The following MDN1 variants were observed in gnomAD, a reference collection of about 807,000 sequenced individuals.
MDN1 encodes midasin.
In MDN1, 266 loss-of-function variants were observed where a neutral mutation model predicts 669.2. That is an observed-to-expected ratio of 0.40 (90% CI 0.36 to 0.44). The LOEUF (loss-of-function observed/expected upper bound fraction) is 0.44, where lower values mean the gene tolerates loss of function less well. MDN1 is among the 20% of genes least tolerant of loss of function. The pLI, the probability that MDN1 is intolerant of heterozygous loss-of-function variation, is 1.00. For synonymous variants in MDN1, 2,385 were observed against 2,457.1 expected (o/e 0.97, Z 0.87); for missense variants, 5,940 against 6,754.0 (o/e 0.88, Z 4.22).
chr6:89,793,972 CT>C lies in MDN1; in HGVS notation c.663-19del. ...CTAATAACCTGAGAGAAAGGAGAGT[CT>C]CGTCAATTACCTTACCACTCAGAAA... On this transcript the variant is annotated intron_variant, in intron 4 of 101. Coordinates refer to ENST00000369393, the MANE Select transcript of MDN1 (RefSeq NM_014611.3). 1.3e-6 allele frequency: 2 copies of C among 1,592,986 alleles called. No homozygotes were observed. The highest frequency in any genetic ancestry group is 1.7e-6 in the Non-Finnish European group (2 of 1,163,006).
chr6:89,676,072 C>A, intron 77 of MDN1, 30 bp downstream of exon 77: 1 of 1,591,798 alleles, frequency 6.3e-7, no homozygotes, highest in Non-Finnish European at 8.6e-7. Context: ...TTCCCTGAGC[C>A]CCTGCAAGAC....
intron 33 of MDN1, among the ~76,000 whole-genome samples, chr6:89,735,184 G>A (rs917675309): frequency 4.0e-5 from 6 of 151,844 alleles, no homozygotes; most frequent in East Asian, 1.9e-4. Context: ...GAAAGCACCC[G>A]GCCAATAGTT....
chr6:89,777,409 G>A (rs902026936), intron 11 of MDN1, among the ~76,000 whole-genome samples: 1 of 152,118 alleles, frequency 6.6e-6, no homozygotes, highest in African/African-American at 2.4e-5. Context: ...CTCATTCCTA[G>A]GCATAGGCCA....
intron 73 of MDN1, among the ~76,000 whole-genome samples, chr6:89,681,309 G>A (rs966628722): frequency 6.6e-5 from 10 of 152,276 alleles, no homozygotes; most frequent in African/African-American, 1.9e-4. Context: ...GAATAGCTGG[G>A]ATTGCAGGCA....
intron 33 of MDN1, among the ~76,000 whole-genome samples, chr6:89,734,691 A>G (rs13220209): frequency 0.11 from 12,952 of 112,840 alleles, 1,140 homozygotes; most frequent in Middle Eastern, 0.17. Context: ...AAAAAAAAAC[A>G]AGAGAGAGAG....
In MDN1 at chr6:89,661,405, G is replaced by A. The variant is rs372325440; in HGVS notation, c.14713+26C>T. On this transcript the variant is annotated intron_variant, in intron 88 of 101. Transcript: ENST00000369393. ...CTGTTCACTAATGTGAGTTCTAACC[G>A]GTCTCTTTGTTTCTGAAAGACGCAC... The A allele has an allele frequency of 4.7e-5, 75 of 1,603,472 alleles. 3 individuals are homozygous for A. Among genetic ancestry groups the A allele is most frequent in the Admixed American group, 2.4e-4 (14 of 57,976 alleles).
At chr6:89,690,536 T>A in intron 64 of MDN1, 137 bp downstream of exon 64, 1 of 1,118,512 alleles carries the variant, frequency 8.9e-7, no homozygotes, top group Non-Finnish European at 1.2e-6. Flanking sequence ...CCAGCCTGGG[T>A]GATAGAGCAA....
Position 89,661,557 on chromosome 6 carries a change from C to T in MDN1, c.14587G>A (p.Val4863Met). The change falls in exon 88 of 102, where the codon GTG (valine) becomes ATG (methionine). Residue 4863 changes from valine (V) to methionine (M), a missense_variant. Coordinates refer to ENST00000369393, the MANE Select transcript of MDN1 (RefSeq NM_014611.3). ...TCCTGATTGCCATGGTAAGGGTCCA[C>T]CTCATTTTCATCATAGTCCCTCTTT... is the stretch of plus-strand genomic sequence containing the variant. ...IDERDYDENE[V>M]DPYHGNQEKV... is the part of the protein sequence containing the mutation. 6.2e-7 allele frequency: 1 copy of T among 1,614,110 alleles called. No homozygotes were observed. The highest frequency in any genetic ancestry group is 8.5e-7 in the Non-Finnish European group (1 of 1,180,002).
At chr6:89,809,784 T>TGAATAAAATA (rs1768260081) in intron 1 of MDN1, among the ~76,000 whole-genome samples, 10 of 112,578 alleles carry the variant, frequency 8.9e-5, no homozygotes, top group Admixed American at 2.1e-4. Context: ...TCAAAATAAA[T>TGAATAAAATA]AAATAAAATA....
chr6:89,749,749 C>T lies in MDN1; in HGVS notation c.3409G>A (p.Val1137Ile). The change falls in exon 25 of 102, where the codon GTT becomes ATT. Residue 1137 changes from valine (V) to isoleucine (I), a missense_variant and splice_region_variant. Val to Ile is a conservative substitution (Grantham distance 29). This residue lies in a region of MDN1 where 2,292 missense variants were observed against 2,638.3 expected (regional missense o/e 0.87). Transcript: ENST00000369393. The stretch of plus-strand genomic sequence containing the variant: ...CCTTTTCTCATGGCATCAATAAGAA[C>T]ACCTAGGAAGAAACAAACAGCAAGA... Reference protein sequence around the residue: ...SSGKLVFKEGVLIDAMRKGYW... With the variant: ...SSGKLVFKEGILIDAMRKGYW... The T allele has an allele frequency of 6.2e-7, 1 of 1,603,274 alleles. No individual in the cohort carries two copies. Among genetic ancestry groups the T allele is most frequent in the South Asian group, 1.1e-5 (1 of 90,896 alleles).
chr6:89,789,484 T>C (rs1185612551), intron 7 of MDN1, among the ~76,000 whole-genome samples: 2 of 152,170 alleles, frequency 1.3e-5, no homozygotes, highest in East Asian at 3.9e-4. Context: ...TTGGAAAATG[T>C]TGATCTCATA....
At chr6:89,741,156 C>G (rs1158047143) in intron 31 of MDN1, among the ~76,000 whole-genome samples, 1 of 152,130 alleles carries the variant, frequency 6.6e-6, no homozygotes, top group Non-Finnish European at 1.5e-5. Flanking sequence ...CACTTGAACC[C>G]GAGAGGCAGA....
rs779661257 is a variant in MDN1, at chr6:89,758,990, A to G, written c.2461-30T>C. 4 of 1,603,022 alleles carry G rather than the reference A, an allele frequency of 2.5e-6. No homozygotes were observed. In the Admixed American group the frequency reaches 6.7e-5, roughly 27 times the overall value. On this transcript the variant is annotated intron_variant, in intron 17 of 101. Transcript: ENST00000369393. ...AAAAAGATAAAATAAAATGTTAACA[A>G]TGTGTCAAATAAAGGCACACTTGCC...
At chr6:89,756,241 G>A (rs1245270780) in intron 20 of MDN1, 36 bp downstream of exon 20, 22 of 1,042,694 alleles carry the variant, frequency 2.1e-5, no homozygotes, top group Non-Finnish European at 2.8e-5. Context: ...CATGTTCAGA[G>A]AAAGAGCTTA....
In MDN1 at chr6:89,678,680, TCTC is replaced by T. The variant is rs1464512210; in HGVS notation, c.12328_12330del (p.Glu4110del). On this transcript the variant is annotated inframe_deletion, in exon 75 of 102. Transcript: ENST00000369393. ...ATGTGCTTGGCTTCTGACCGCTGCT[TCTC>T]CTTCTCTGCAGAGGGTTCCACCTTT... 1.9e-6 allele frequency: 3 copies of T among 1,614,120 alleles called. No homozygotes were observed. The highest frequency in any genetic ancestry group is 2.7e-5 in the African/African-American group (2 of 75,052).
In MDN1 at chr6:89,710,845, T is replaced by C. The variant is rs73492550; in HGVS notation, c.7652-51A>G. ...TAGACTCTAAAGCAGTGCTATCCAA[T>C]TGAACGTTCTGCAGTGATGAAAATG... On this transcript the variant is annotated intron_variant, in intron 49 of 101. Transcript: ENST00000369393. The C allele has an allele frequency of 3.0e-3, 3,296 of 1,086,122 alleles. 77 individuals are homozygous for C. In the African/African-American group the frequency reaches 0.047, roughly 16 times the overall value. 67.3% of individuals were successfully genotyped at this position (1,086,122 alleles called of 1,614,324 possible).
intron 15 of MDN1, among the ~76,000 whole-genome samples, chr6:89,763,940 C>T (rs897989149): frequency 1.3e-5 from 2 of 152,182 alleles, no homozygotes; most frequent in Non-Finnish European, 2.9e-5. Context: ...TGAGGCCAGG[C>T]ACAGTGGCTC....
intron 84 of MDN1, among the ~76,000 whole-genome samples, chr6:89,665,577 G>A (rs1362165270): frequency 1.3e-5 from 2 of 151,070 alleles, no homozygotes; most frequent in African/African-American, 4.9e-5. Flanking sequence ...CGTGGTGGTG[G>A]GGGCCTGTAA....
chr6:89,707,916 T>C (rs924438019), intron 51 of MDN1, among the ~76,000 whole-genome samples: 1 of 152,102 alleles, frequency 6.6e-6, no homozygotes, highest in Non-Finnish European at 1.5e-5. Context: ...GTCTCCAACA[T>C]TTGAGGACAG....
Sources: gnomAD v4.1 joint callset for allele counts (sites outside exome capture counted in the v4.1 genomes callset) on GRCh38, gnomAD v4.1.1 for gene constraint, gnomAD v4.1.1 regional missense constraint, MANE v1.5 for transcripts, NCBI Gene and HGNC (gene_info 2026-07-23, HGNC 2026-07-21) for gene names.